The following PTPRN2 variants were observed in gnomAD, a reference collection of about 807,000 sequenced individuals.
The protein encoded by PTPRN2 is protein tyrosine phosphatase receptor type N2, also known as receptor-type tyrosine-protein phosphatase N2.
A neutral mutation model predicts 118.8 loss-of-function variants in PTPRN2; 74 were observed. The ratio of observed to expected loss-of-function variants is 0.62; its 90% CI spans 0.52 to 0.76. PTPRN2 has a LOEUF of 0.76. Among genes scored for constraint, PTPRN2 ranks in the 30% least tolerant of loss-of-function variants. The pLI is 0.00. For missense variants in PTPRN2, 1,481 were observed against 1,394.4 expected, an observed-to-expected ratio of 1.06 and a Z score of -0.99; for synonymous variants, 641 against 608.0, an observed-to-expected ratio of 1.05 and a Z score of -0.80.
intron 12 of PTPRN2, among the ~76,000 whole-genome samples, chr7:157,761,246 CTACTT>C (rs1159939139): frequency 3.3e-5 from 5 of 152,036 alleles, no homozygotes; most frequent in African/African-American, 9.7e-5. Flanking sequence ...TGGAAAAAAA[CTACTT>C]TAAAGTTCAT....
At chr7:157,561,317 A>G (rs1388870806) in intron 21 of PTPRN2, among the ~76,000 whole-genome samples, 1 of 151,894 alleles carries the variant, frequency 6.6e-6, no homozygotes, top group Non-Finnish European at 1.5e-5. Flanking sequence ...TTCCCTGCAG[A>G]CTCCAGGCTG....
chr7:158,475,022 G>A (rs1362459107), intron 2 of PTPRN2, among the ~76,000 whole-genome samples: 5 of 152,112 alleles, frequency 3.3e-5, no homozygotes, highest in Admixed American at 2.0e-4. Context: ...TCAGCTCCAG[G>A]GCAGATGCTG....
chr7:158,263,225 A>T (rs1294744828), intron 3 of PTPRN2, among the ~76,000 whole-genome samples: 1 of 152,204 alleles, frequency 6.6e-6, no homozygotes. Context: ...GTGCACCCGC[A>T]TGTGCCTACT....
intron 2 of PTPRN2, among the ~76,000 whole-genome samples, chr7:158,401,005 G>A (rs909505640): frequency 5.3e-5 from 8 of 152,048 alleles, no homozygotes; most frequent in African/African-American, 1.5e-4. Flanking sequence ...GCCCTGCTCC[G>A]CCTCCTGTGG....
At chr7:157,712,962 C>T (rs2533291) in intron 12 of PTPRN2, among the ~76,000 whole-genome samples, 18,094 of 152,068 alleles carry the variant, frequency 0.12, 1,298 homozygotes, top group Admixed American at 0.2. Flanking sequence ...GGAGAATAAA[C>T]GCCTGTTGTT....
intron 12 of PTPRN2, among the ~76,000 whole-genome samples, chr7:157,837,514 C>A (rs545866336): frequency 4.0e-5 from 6 of 151,434 alleles, no homozygotes; most frequent in Admixed American, 4.0e-4. Context: ...CATGAGGAGC[C>A]AGGGCCATGT....
At chr7:157,557,427 CAA>C (rs1798959641) in intron 21 of PTPRN2, among the ~76,000 whole-genome samples, 1 of 151,920 alleles carries the variant, frequency 6.6e-6, no homozygotes, top group South Asian at 2.1e-4. Context: ...ACACTGCACA[CAA>C]ACATTCCACA....
In PTPRN2 at chr7:158,149,799, A is replaced by G. The variant is rs186110974; in HGVS notation, c.911-11284T>C. ...AGCCTGAGTGACAGAGCAAGAGTCC[A>G]TCTCAAAAAAAAAAAAAAGATAAAC... is the stretch of plus-strand genomic sequence containing the variant. On this transcript the variant is annotated intron_variant, in intron 6 of 22. Coordinates refer to ENST00000389418, the MANE Select transcript of PTPRN2 (RefSeq NM_002847.5). Among the ~76,000 whole-genome samples the G allele has an allele frequency of 3.7e-3, 473 of 128,056 alleles. 1 individual carries two copies. Among genetic ancestry groups the G allele is most frequent in the African/African-American group, 0.012 (435 of 35,938 alleles). The allele number at this position is 128,056 out of a possible 152,430, so 84.0% of individuals were successfully genotyped here. A position where few individuals can be genotyped will look rare whatever the true frequency, so the allele number is the denominator to read the frequency against.
At chr7:158,219,527 A>C (rs1460986036) in intron 3 of PTPRN2, among the ~76,000 whole-genome samples, 1 of 152,020 alleles carries the variant, frequency 6.6e-6, no homozygotes, top group Non-Finnish European at 1.5e-5. Flanking sequence ...AAAAGAACAA[A>C]CCAATCCCAA....
chr7:158,133,870 C>A lies in PTPRN2; in HGVS notation c.1363G>T (p.Asp455Tyr), dbSNP rs867172090. The A allele has an allele frequency of 1.2e-6, 2 of 1,613,942 alleles. No homozygotes were observed. The highest frequency in any genetic ancestry group is 3.3e-5 in the Admixed American group (2 of 60,030). Residue 455 changes from aspartate (D) to tyrosine (Y), a missense_variant, in exon 9 of 23, where the codon GAT (aspartate) becomes TAT (tyrosine). This residue lies in a region of PTPRN2 where 1,115 missense variants were observed against 994.2 expected (regional missense o/e 1.12). Transcript: ENST00000389418. Reference protein sequence around the residue: ...ENVKSQTYSKDLLGQQPHSEP... With the variant: ...ENVKSQTYSKYLLGQQPHSEP... ...GAATGCGGCTGCTGCCCCAGCAGATCTTTGGAATACGTCTGGCTCTTGACG... is the reference window on the plus strand; with the variant it reads ...GAATGCGGCTGCTGCCCCAGCAGATATTTGGAATACGTCTGGCTCTTGACG...
intron 12 of PTPRN2, among the ~76,000 whole-genome samples, chr7:157,862,103 A>G (rs1426770878): frequency 6.6e-6 from 1 of 151,732 alleles, no homozygotes; most frequent in Non-Finnish European, 1.5e-5. Flanking sequence ...TCCCCATCAC[A>G]GGGACACTGC....
At chr7:158,281,524 T>C (rs990753695) in intron 3 of PTPRN2, among the ~76,000 whole-genome samples, 6 of 152,364 alleles carry the variant, frequency 3.9e-5, no homozygotes, top group Non-Finnish European at 8.8e-5. Context: ...CAGTCTGCTA[T>C]GAAGACACAG....
intron 13 of PTPRN2, among the ~76,000 whole-genome samples, chr7:157,662,861 C>T (rs890321715): frequency 6.6e-5 from 10 of 152,134 alleles, no homozygotes; most frequent in East Asian, 1.9e-4. Flanking sequence ...GTAACATTGC[C>T]GACCGTGTGC....
intron 17 of PTPRN2, among the ~76,000 whole-genome samples, chr7:157,584,954 G>A (rs1007441547): frequency 7.9e-5 from 12 of 152,186 alleles, no homozygotes; most frequent in African/African-American, 2.4e-4. Flanking sequence ...GCCACAGCAC[G>A]CACATTTGGA....
intron 1 of PTPRN2, among the ~76,000 whole-genome samples, chr7:158,576,279 G>A (rs1411066838): frequency 6.6e-6 from 1 of 152,170 alleles, no homozygotes; most frequent in African/African-American, 2.4e-5. Flanking sequence ...AGAAGAAGCC[G>A]TTTTCAGACC....
chr7:158,278,901 T>C (rs961222665), intron 3 of PTPRN2, among the ~76,000 whole-genome samples: 1 of 152,312 alleles, frequency 6.6e-6, no homozygotes, highest in African/African-American at 2.4e-5. Context: ...CAGTGAGTGT[T>C]ACAGCTCATA....
intron 2 of PTPRN2, among the ~76,000 whole-genome samples, chr7:158,487,709 C>T (rs1024621672): frequency 2.0e-5 from 3 of 152,142 alleles, no homozygotes; most frequent in Admixed American, 6.5e-5. Context: ...ACCCCTGGCC[C>T]GCCAGCCTCG....
At position 157,587,396 on chromosome 7, in the gene PTPRN2, G is replaced by A. The variant is rs1194776427; in HGVS notation, c.2496+7842C>T. ...ACCGGTGGCTGGCAGGCAGTTGGAA[G>A]GAAACACCGTTAAATTCTTTGGGTC... On this transcript the variant is annotated intron_variant, in intron 17 of 22. Transcript: ENST00000389418. This position sits in a 1 kb window ranked among gnomAD's most constrained non-coding sequence, Gnocchi z 5.3. Among the ~76,000 whole-genome samples, 1 of 152,168 alleles carries A rather than the reference G, an allele frequency of 6.6e-6. No individual in the cohort carries two copies. Among genetic ancestry groups the A allele is most frequent in the Non-Finnish European group, 1.5e-5 (1 of 68,036 alleles).
chr7:157,715,687 G>A (rs190438671), intron 12 of PTPRN2, among the ~76,000 whole-genome samples: 11 of 152,330 alleles, frequency 7.2e-5, no homozygotes, highest in Admixed American at 4.6e-4. Flanking sequence ...TCCACTCAGC[G>A]CCAGACTGCC....
Sources: allele counts gnomAD v4.1 joint callset (sites outside exome capture counted in the v4.1 genomes callset), GRCh38; gene constraint gnomAD v4.1.1; regional missense constraint gnomAD v4.1.1; non-coding constraint Gnocchi (gnomAD v3.1); transcripts MANE v1.5; gene names NCBI Gene and HGNC (gene_info 2026-07-23, HGNC 2026-07-21).